TUSC3: variants seen among roughly 807,000 people sequenced by gnomAD.
TUSC3 encodes the protein dolichyl-diphosphooligosaccharide--protein glycosyltransferase subunit TUSC3.
In TUSC3, 45 loss-of-function variants were observed where a neutral mutation model predicts 44.8. The ratio of observed to expected loss-of-function variants is 1.00; its 90% CI spans 0.79 to 1.29. The LOEUF (loss-of-function observed/expected upper bound fraction) is 1.29, where lower values mean the gene tolerates loss of function less well. TUSC3 is among the 50% of genes most tolerant of loss of function. The probability of loss-of-function intolerance (pLI) is 0.00; values close to 1 mark genes in which losing one functional copy is unlikely to be tolerated. For synonymous variants in TUSC3, 212 were observed against 152.9 expected (o/e 1.39, Z -2.85); for missense variants, 519 against 437.9 (o/e 1.19, Z -1.65).
chr8:15,510,395 A>C (rs953669936), intron 2 of TUSC3, among the ~76,000 whole-genome samples: 1 of 152,182 alleles, frequency 6.6e-6, no homozygotes, highest in Non-Finnish European at 1.5e-5. Context: ...CCAATATCAG[A>C]CATGAGAGCA....
chr8:15,841,783 C>T, the TUSC3 span, among the ~76,000 whole-genome samples: 5 of 152,052 alleles, frequency 3.3e-5, no homozygotes, highest in East Asian at 3.9e-4. Context: ...CAAAGTGCTG[C>T]GATTACAGCT....
intron 1 of TUSC3, among the ~76,000 whole-genome samples, chr8:15,458,511 A>G (rs1277717886): frequency 6.6e-6 from 1 of 152,146 alleles, no homozygotes; most frequent in Non-Finnish European, 1.5e-5. Flanking sequence ...AGTGCTGGCC[A>G]TACAGGTGGA....
chr8:15,677,448 G>C (rs575492855), intron 6 of TUSC3, among the ~76,000 whole-genome samples: 8 of 152,322 alleles, frequency 5.3e-5, no homozygotes, highest in Admixed American at 4.6e-4. Context: ...TGCAGGCAAA[G>C]AGAAACAGAA....
the TUSC3 span, among the ~76,000 whole-genome samples, chr8:15,839,839 A>G: frequency 2.6e-3 from 397 of 152,296 alleles, 4 homozygotes; most frequent in African/African-American, 9.0e-3. Flanking sequence ...GGGATCTAGA[A>G]CTAGAAATAC....
intron 1 of TUSC3, 21 bp from the exon 2 acceptor site, chr8:15,623,059 A>C (rs748133115): frequency 6.2e-7 from 1 of 1,612,172 alleles, no homozygotes; most frequent in Non-Finnish European, 8.5e-7. Flanking sequence ...TGTAAATGTT[A>C]ATTTCTGTGT....
Position 15,495,597 on chromosome 8 carries a change from C to T in TUSC3, n.189+12114C>T, listed in dbSNP as rs181572276. On this transcript the variant is annotated intron_variant and non_coding_transcript_variant, in intron 2 of 5. Transcript: ENST00000503191. Reference sequence around the variant, plus strand: ...CAGCCCTTGAAATGTTTGTGTATTCCCCTCCCCTAATGCACAATTCTACCC... The same window carrying T: ...CAGCCCTTGAAATGTTTGTGTATTCTCCTCCCCTAATGCACAATTCTACCC... Among the ~76,000 whole-genome samples, 20 of 152,158 alleles carry T rather than the reference C, an allele frequency of 1.3e-4. No homozygotes were observed. The East Asian group carries it at 3.7e-3, about 28-fold the overall frequency.
At chr8:15,577,355 G>A (rs1352287863) in intron 1 of TUSC3, among the ~76,000 whole-genome samples, 8 of 151,768 alleles carry the variant, frequency 5.3e-5, no homozygotes, top group African/African-American at 1.9e-4. Flanking sequence ...TGTTGCCATT[G>A]CTTTTGGTGT....
intron 1 of TUSC3, among the ~76,000 whole-genome samples, chr8:15,422,187 A>G (rs750988873): frequency 8.5e-5 from 13 of 152,228 alleles, no homozygotes; most frequent in Non-Finnish European, 1.9e-4. Flanking sequence ...ATGGTTTTTT[A>G]TGTACTGACT....
intron 3 of TUSC3, among the ~76,000 whole-genome samples, chr8:15,653,869 A>G (rs1395383310): frequency 6.6e-6 from 1 of 152,164 alleles, no homozygotes; most frequent in South Asian, 2.1e-4. Context: ...GTGTCTGAAG[A>G]TAATATTAAT....
intron 2 of TUSC3, among the ~76,000 whole-genome samples, chr8:15,515,661 T>C (rs1801206922): frequency 6.6e-6 from 1 of 151,970 alleles, no homozygotes; most frequent in Admixed American, 6.6e-5. Flanking sequence ...AATATATATA[T>C]ATGTATGTAT....
chr8:15,615,618 T>G (rs922622488), intron 1 of TUSC3, among the ~76,000 whole-genome samples: 2 of 152,296 alleles, frequency 1.3e-5, no homozygotes, highest in Non-Finnish European at 2.9e-5. Flanking sequence ...AGAGAGGATT[T>G]CAGATGTTCA....
chr8:15,611,175 C>T (rs1305593749), intron 1 of TUSC3, among the ~76,000 whole-genome samples: 1 of 152,000 alleles, frequency 6.6e-6, no homozygotes. Flanking sequence ...TTTCAAAGAA[C>T]TTTTTTGTTG....
chr8:15,681,546 T>G (rs767078276), intron 6 of TUSC3, among the ~76,000 whole-genome samples: 1 of 120,466 alleles, frequency 8.3e-6, no homozygotes, highest in African/African-American at 3.2e-5. Flanking sequence ...TTGTGCTTAT[T>G]TGGATCTTTT....
intron 1 of TUSC3, among the ~76,000 whole-genome samples, chr8:15,447,528 G>A (rs934531636): frequency 3.9e-4 from 60 of 152,080 alleles, no homozygotes; most frequent in African/African-American, 4.6e-4. Flanking sequence ...ACTCAAAACC[G>A]AAAACGTTGG....
the TUSC3 span, among the ~76,000 whole-genome samples, chr8:15,786,971 G>C: frequency 7.7e-5 from 11 of 142,272 alleles, no homozygotes; most frequent in Non-Finnish European, 1.5e-4. Context: ...AAAAAGACTA[G>C]AGTGGCATAA....
At chr8:15,458,235 C>T (rs897933783) in intron 1 of TUSC3, among the ~76,000 whole-genome samples, 1 of 151,938 alleles carries the variant, frequency 6.6e-6, no homozygotes, top group Non-Finnish European at 1.5e-5. Context: ...CTTACATATG[C>T]TTCTTTCTTT....
intron 6 of TUSC3, among the ~76,000 whole-genome samples, chr8:15,704,180 T>C (rs1298034329): frequency 6.6e-6 from 1 of 150,816 alleles, no homozygotes; most frequent in Non-Finnish European, 1.5e-5. Flanking sequence ...CTGAAGGAAA[T>C]GAGAGAGTGA....
chr8:15,825,726 A>G, the TUSC3 span, among the ~76,000 whole-genome samples: 1 of 152,206 alleles, frequency 6.6e-6, no homozygotes, highest in Admixed American at 6.5e-5. Context: ...ATATATGCAC[A>G]TTGAGATTAC....
chr8:15,673,390 T>A (rs1355283112), intron 5 of TUSC3, among the ~76,000 whole-genome samples: 2 of 152,112 alleles, frequency 1.3e-5, no homozygotes, highest in Non-Finnish European at 2.9e-5. Flanking sequence ...TATCATGTCC[T>A]TTAAAATATC....
Sources: gnomAD v4.1 joint callset for allele counts (sites outside exome capture counted in the v4.1 genomes callset) on GRCh38, gnomAD v4.1.1 for gene constraint, MANE v1.5 for transcripts, NCBI Gene and HGNC (gene_info 2026-07-23, HGNC 2026-07-21) for gene names.